GAP43: variants seen among roughly 807,000 people sequenced by gnomAD.
The protein encoded by GAP43 is neuromodulin.
Under a neutral mutation model 18.6 loss-of-function variants are expected in GAP43, and 6 were observed. That is an observed-to-expected ratio of 0.32 (90% CI 0.18 to 0.64). The LOEUF is 0.64. Ranked by LOEUF, GAP43 falls within the 30% of genes least tolerant of loss-of-function variation. The pLI, the probability that GAP43 is intolerant of heterozygous loss-of-function variation, is 0.78. For missense variants in GAP43, 292 were observed against 295.5 expected, an observed-to-expected ratio of 0.99 and a Z score of 0.09; for synonymous variants, 115 against 111.4, an observed-to-expected ratio of 1.03 and a Z score of -0.20.
chr3:115,692,813 A>G (rs1709130878), intron 2 of GAP43, among the ~76,000 whole-genome samples: 1 of 152,208 alleles, frequency 6.6e-6, no homozygotes, highest in Admixed American at 6.5e-5. Context: ...CACAATCCAC[A>G]CTTATGAATT....
At chr3:115,697,227 G>A (rs1414147517) in intron 2 of GAP43, among the ~76,000 whole-genome samples, 2 of 151,922 alleles carry the variant, frequency 1.3e-5, no homozygotes, top group South Asian at 2.1e-4. Flanking sequence ...ATGAAGACAG[G>A]GTATTTTTTG....
At chr3:115,681,031 A>G (rs191354308) in intron 2 of GAP43, among the ~76,000 whole-genome samples, 6 of 152,300 alleles carry the variant, frequency 3.9e-5, no homozygotes, top group African/African-American at 9.6e-5. Context: ...AAATTTATAC[A>G]CAACTCACAA....
intron 1 of GAP43, among the ~76,000 whole-genome samples, chr3:115,660,820 TG>T (rs1259713205): frequency 6.6e-6 from 1 of 152,234 alleles, no homozygotes. Context: ...CTGGTCCACA[TG>T]TGGAACGGCT....
At chr3:115,708,014 C>T (rs201448539) in intron 2 of GAP43, among the ~76,000 whole-genome samples, 3,172 of 26,110 alleles carry the variant, frequency 0.12, 42 homozygotes, top group Middle Eastern at 0.24. Flanking sequence ...CACACACACA[C>T]ATATATATAT....
At chr3:115,640,873 T>C (rs1708385302) in intron 1 of GAP43, among the ~76,000 whole-genome samples, 1 of 152,038 alleles carries the variant, frequency 6.6e-6, no homozygotes, top group Admixed American at 6.6e-5. Flanking sequence ...GGTACTATTT[T>C]CTCCACGTGA....
chr3:115,691,942 G>C (rs1443588695), intron 2 of GAP43, among the ~76,000 whole-genome samples: 1 of 152,170 alleles, frequency 6.6e-6, no homozygotes, highest in Non-Finnish European at 1.5e-5. Context: ...GCTATAACTT[G>C]TCACATCTTG....
Position 115,623,781 on chromosome 3 carries a change from G to A in GAP43, c.30+62G>A, listed in dbSNP as rs72961628. On this transcript the variant is annotated intron_variant, in intron 1 of 2. Transcript: ENST00000305124. ...AATAACCCGAGTACAGTATTTCCCCGTAAAGGCAAACAATTTTTTTACTGC... is the reference window on the plus strand; with the variant it reads ...AATAACCCGAGTACAGTATTTCCCCATAAAGGCAAACAATTTTTTTACTGC... 8.7e-4 allele frequency: 1,387 copies of A among 1,589,544 alleles called. 8 individuals carry two copies. The African/African-American group carries it at 0.016, about 18-fold the overall frequency.
rs369860007 is a variant in GAP43 at position 115,721,460 on chromosome 3, TTAA to T, written c.*582_*584del. The T allele has an allele frequency of 1.3e-5, 2 of 152,214 alleles. No individual in the cohort carries two copies. Among genetic ancestry groups the T allele is most frequent in the African/African-American group, 4.8e-5 (2 of 41,458 alleles). 9.4% of individuals were successfully genotyped at this position (152,214 alleles called of 1,614,324 possible). On this transcript the variant is annotated 3_prime_UTR_variant, in exon 3 of 3. Coordinates refer to ENST00000305124, the MANE Select transcript of GAP43 (RefSeq NM_002045.4). ...TAAGGCTCCTTTTTCAACCCGAATA[TTAA>T]TAAATCATGAGAGTAATCAAGGTCC...
At chr3:115,654,555 A>G (rs1314727990) in intron 1 of GAP43, among the ~76,000 whole-genome samples, 1 of 152,188 alleles carries the variant, frequency 6.6e-6, no homozygotes, top group Non-Finnish European at 1.5e-5. Flanking sequence ...CCTGGGGCAC[A>G]ACGAATCACA....
chr3:115,651,305 TTCTC>T (rs916984303), intron 1 of GAP43, among the ~76,000 whole-genome samples: 32 of 152,272 alleles, frequency 2.1e-4, no homozygotes, highest in African/African-American at 7.0e-4. Flanking sequence ...CTCTTCCTCT[TTCTC>T]TCACACACAC....
At chr3:115,634,058 T>C (rs1260141005) in intron 1 of GAP43, among the ~76,000 whole-genome samples, 1 of 152,198 alleles carries the variant, frequency 6.6e-6, no homozygotes, top group African/African-American at 2.4e-5. Context: ...ATCCATTATT[T>C]ATAATTCCAG....
chr3:115,655,413 C>T (rs764735719), intron 1 of GAP43, among the ~76,000 whole-genome samples: 1 of 152,174 alleles, frequency 6.6e-6, no homozygotes, highest in South Asian at 2.1e-4. Flanking sequence ...ATATGGTAAT[C>T]AGTATTATCC....
At chr3:115,717,646 C>T (rs1397409437) in intron 2 of GAP43, among the ~76,000 whole-genome samples, 1 of 149,532 alleles carries the variant, frequency 6.7e-6, no homozygotes, top group South Asian at 2.1e-4. Context: ...TTATGAAAGG[C>T]TTTAAGGAGA....
intron 1 of GAP43, among the ~76,000 whole-genome samples, chr3:115,653,753 C>T (rs1267119361): frequency 1.3e-5 from 2 of 152,126 alleles, no homozygotes; most frequent in Non-Finnish European, 2.9e-5. Context: ...TCTCTGAAGT[C>T]CTCACTCTGC....
chr3:115,629,011 C>T (rs1210861139), intron 1 of GAP43, among the ~76,000 whole-genome samples: 1 of 152,190 alleles, frequency 6.6e-6, no homozygotes, highest in Non-Finnish European at 1.5e-5. Context: ...ACAATTATTG[C>T]TCTGATACTG....
chr3:115,659,292 A>G (rs1249077767), intron 1 of GAP43, among the ~76,000 whole-genome samples: 3 of 152,160 alleles, frequency 2.0e-5, no homozygotes, highest in Non-Finnish European at 4.4e-5. Context: ...TACTATTTTT[A>G]AAAAGTTTTC....
intron 2 of GAP43, among the ~76,000 whole-genome samples, chr3:115,717,528 C>T (rs911773546): frequency 1.3e-5 from 2 of 151,930 alleles, no homozygotes; most frequent in Non-Finnish European, 2.9e-5. Flanking sequence ...AAGCTGGTCC[C>T]GAACTCCTGA....
rs1399746809 is a variant in GAP43, at chr3:115,698,050, T to TAA, written c.628+21440_628+21441insAA. ...ATGTATATAAAATATATATTATATATTATATAAAATATATATTATATATAA... is the reference window on the plus strand; with the variant it reads ...ATGTATATAAAATATATATTATATATAATATATAAAATATATATTATATATAA... On this transcript the variant is annotated intron_variant, in intron 2 of 2. Transcript: ENST00000305124. Among the ~76,000 whole-genome samples the TAA allele has an allele frequency of 3.0e-3, 229 of 75,190 alleles. 9 individuals are homozygous for TAA. The highest frequency in any genetic ancestry group is 0.012 in the East Asian group (32 of 2,592). The allele number at this position is 75,190 out of a possible 152,430, so 49.3% of individuals were successfully genotyped here. A position where few individuals can be genotyped will look rare whatever the true frequency, so the allele number is the denominator to read the frequency against.
intron 2 of GAP43, among the ~76,000 whole-genome samples, chr3:115,709,795 A>C (rs1709410881): frequency 6.6e-6 from 1 of 152,004 alleles, no homozygotes; most frequent in Non-Finnish European, 1.5e-5. Flanking sequence ...TTAAAGTCTC[A>C]AATGGCATTC....
Sources: allele counts gnomAD v4.1 joint callset (sites outside exome capture counted in the v4.1 genomes callset), GRCh38; gene constraint gnomAD v4.1.1; transcripts MANE v1.5; gene names NCBI Gene and HGNC (gene_info 2026-07-23, HGNC 2026-07-21).